TEAD1: variants seen among roughly 807,000 people sequenced by gnomAD.
TEAD1 encodes the protein TEA domain transcription factor 1.
A neutral mutation model predicts 54.9 loss-of-function variants in TEAD1; 9 were observed. That is an observed-to-expected ratio of 0.16 (90% CI 0.10 to 0.29). The LOEUF is 0.29. Ranked by LOEUF, TEAD1 falls within the 10% of genes least tolerant of loss-of-function variation. The pLI is 1.00. For synonymous variants in TEAD1, 200 were observed against 187.8 expected (o/e 1.07, Z -0.53); for missense variants, 387 against 535.9 (o/e 0.72, Z 2.74).
At chr11:12,792,828 A>C (rs1309097418) in intron 3 of TEAD1, among the ~76,000 whole-genome samples, 1 of 152,140 alleles carries the variant, frequency 6.6e-6, no homozygotes, top group African/African-American at 2.4e-5. Context: ...AGCTGAGACA[A>C]GAGGATTGTT....
Position 12,939,306 on chromosome 11 carries a change from G to A in TEAD1, c.*2084G>A, listed in dbSNP as rs1177417574. ...TGACTTCTGTTGAACACCCCTCTTAGGGATGTTTCTTTTGCTCTTATTTCC... is the reference window on the plus strand; with the variant it reads ...TGACTTCTGTTGAACACCCCTCTTAAGGATGTTTCTTTTGCTCTTATTTCC... On this transcript the variant is annotated 3_prime_UTR_variant, in exon 13 of 13. Coordinates refer to ENST00000527636, the MANE Select transcript of TEAD1 (RefSeq NM_021961.6). 1 of 152,208 alleles carries A rather than the reference G, an allele frequency of 6.6e-6. No homozygotes were observed. Among genetic ancestry groups the A allele is most frequent in the Non-Finnish European group, 1.5e-5 (1 of 68,090 alleles). The allele number at this position is 152,208 out of a possible 1,614,324, so 9.4% of individuals were successfully genotyped here. A position where few individuals can be genotyped will look rare whatever the true frequency, so the allele number is the denominator to read the frequency against.
At chr11:12,710,356 G>A (rs1943910029) in intron 2 of TEAD1, among the ~76,000 whole-genome samples, 1 of 152,070 alleles carries the variant, frequency 6.6e-6, no homozygotes, top group African/African-American at 2.4e-5. Flanking sequence ...TTGTATATGT[G>A]TTCTTTATGA....
chr11:12,704,049 A>G (rs1173529215), intron 2 of TEAD1, among the ~76,000 whole-genome samples: 1 of 152,008 alleles, frequency 6.6e-6, no homozygotes, highest in Non-Finnish European at 1.5e-5. Flanking sequence ...GAAGAACTAG[A>G]CTCCTACCAA....
At chr11:12,849,611 T>C (rs1947226975) in intron 3 of TEAD1, among the ~76,000 whole-genome samples, 1 of 152,214 alleles carries the variant, frequency 6.6e-6, no homozygotes, top group South Asian at 2.1e-4. Context: ...TAGCTATTGT[T>C]GTAGTAGCTT....
chr11:12,877,779 T>TCTTC (rs1947883467), intron 5 of TEAD1, among the ~76,000 whole-genome samples: 1 of 137,918 alleles, frequency 7.3e-6, no homozygotes, highest in South Asian at 2.9e-4. Context: ...ACCCTCCCTT[T>TCTTC]CTTCCTTCCT....
intron 3 of TEAD1, among the ~76,000 whole-genome samples, chr11:12,773,505 C>T (rs1590136109): frequency 6.6e-6 from 1 of 152,256 alleles, no homozygotes; most frequent in East Asian, 1.9e-4. Context: ...TTTGCATTTC[C>T]TTAAAGACTA....
intron 3 of TEAD1, among the ~76,000 whole-genome samples, chr11:12,846,244 TC>T (rs1317292884): frequency 9.2e-6 from 1 of 108,868 alleles, no homozygotes; most frequent in African/African-American, 3.5e-5. Flanking sequence ...GAGCCCGCCC[TC>T]CCCCACCCCC....
chr11:12,822,205 G>T (rs551747185), intron 3 of TEAD1, among the ~76,000 whole-genome samples: 1 of 151,810 alleles, frequency 6.6e-6, no homozygotes, highest in African/African-American at 2.4e-5. Flanking sequence ...CCCATTATCC[G>T]CCCGCCTCGG....
intron 5 of TEAD1, among the ~76,000 whole-genome samples, chr11:12,869,810 C>T (rs944224333): frequency 2.0e-5 from 3 of 152,150 alleles, no homozygotes; most frequent in Non-Finnish European, 4.4e-5. Context: ...ACTTACTTCC[C>T]TTAGAAAATC....
intron 2 of TEAD1, among the ~76,000 whole-genome samples, chr11:12,707,627 G>A (rs560322139): frequency 6.6e-6 from 1 of 152,328 alleles, no homozygotes; most frequent in South Asian, 2.1e-4. Flanking sequence ...GCTAGAGAGA[G>A]AGAGGGTGAT....
intron 10 of TEAD1, among the ~76,000 whole-genome samples, chr11:12,913,046 C>T (rs1809004710): frequency 6.6e-6 from 1 of 152,156 alleles, no homozygotes; most frequent in South Asian, 2.1e-4. Flanking sequence ...ACCATTTCAC[C>T]TCAAGAAAAA....
chr11:12,776,319 G>T (rs754076122), intron 3 of TEAD1, among the ~76,000 whole-genome samples: 39 of 152,144 alleles, frequency 2.6e-4, no homozygotes, highest in Non-Finnish European at 5.0e-4. Context: ...ATGTGCATAG[G>T]CTCACACCGC....
intron 3 of TEAD1, among the ~76,000 whole-genome samples, chr11:12,812,084 T>C (rs1243046136): frequency 2.0e-5 from 3 of 152,170 alleles, no homozygotes; most frequent in Admixed American, 6.5e-5. Context: ...CAGAGAGTTA[T>C]GCACCATTCA....
At position 12,941,867 on chromosome 11, in the gene TEAD1, C is replaced by T. The variant is rs1414236823; in HGVS notation, c.*4645C>T. 5 of 152,594 alleles carry T rather than the reference C, an allele frequency of 3.3e-5. No homozygotes were observed. The highest frequency in any genetic ancestry group is 1.2e-4 in the African/African-American group (5 of 41,442). 9.5% of individuals were successfully genotyped at this position (152,594 alleles called of 1,614,324 possible). ...TCAATTCAGAGCTGCCAAAGTGTTC[C>T]CGTAAGCAGTGCCTTAGTAATACCT... On this transcript the variant is annotated 3_prime_UTR_variant, in exon 13 of 13. Coordinates refer to ENST00000527636, the MANE Select transcript of TEAD1 (RefSeq NM_021961.6).
intron 5 of TEAD1, among the ~76,000 whole-genome samples, chr11:12,867,650 C>T (rs1168345260): frequency 6.6e-6 from 1 of 152,184 alleles, no homozygotes; most frequent in African/African-American, 2.4e-5. Context: ...CCCCCTTGTT[C>T]AGCTCTGGAA....
intron 3 of TEAD1, among the ~76,000 whole-genome samples, chr11:12,813,235 G>A (rs190769813): frequency 6.6e-6 from 1 of 152,264 alleles, no homozygotes; most frequent in East Asian, 1.9e-4. Flanking sequence ...TGGATATTTG[G>A]CAATTGGAGG....
At chr11:12,690,616 A>G in intron 2 of TEAD1, among the ~76,000 whole-genome samples, 1 of 152,184 alleles carries the variant, frequency 6.6e-6, no homozygotes. Context: ...TTTTGATGCA[A>G]ATATTTCATA....
intron 9 of TEAD1, among the ~76,000 whole-genome samples, chr11:12,888,051 C>G (rs1948126124): frequency 6.6e-6 from 1 of 152,142 alleles, no homozygotes; most frequent in Non-Finnish European, 1.5e-5. Context: ...AATTATGTAG[C>G]CAGGTTCCAT....
intron 3 of TEAD1, among the ~76,000 whole-genome samples, chr11:12,788,038 C>T (rs1242278515): frequency 4.6e-5 from 7 of 150,916 alleles, no homozygotes; most frequent in Admixed American, 4.6e-4. Context: ...TCTCAGCTCA[C>T]TGCAACCTCC....
Sources: allele counts gnomAD v4.1 joint callset (sites outside exome capture counted in the v4.1 genomes callset), GRCh38; gene constraint gnomAD v4.1.1; transcripts MANE v1.5; gene names NCBI Gene and HGNC (gene_info 2026-07-23, HGNC 2026-07-21).